Variants in GLIPR1L1 observed in about 807,000 individuals in gnomAD.
GLIPR1L1 encodes the protein GLIPR1-like protein 1.
GLIPR1L1 carries 26 observed loss-of-function variants against 29.9 expected under a neutral mutation model. That is an observed-to-expected ratio of 0.87 (90% confidence interval 0.64 to 1.21). GLIPR1L1 has a LOEUF of 1.21. Ranked by LOEUF, GLIPR1L1 falls within the 50% of genes most tolerant of loss-of-function variation. The pLI, the probability that GLIPR1L1 is intolerant of heterozygous loss-of-function variation, is 0.00. For missense variants in GLIPR1L1, 305 were observed against 290.3 expected, an observed-to-expected ratio of 1.05 and a Z score of -0.37; for synonymous variants, 77 against 97.5, an observed-to-expected ratio of 0.79 and a Z score of 1.24.
At chr12:75,354,120 A>G (rs1317551410) in intron 3 of GLIPR1L1, among the ~76,000 whole-genome samples, 1 of 140,510 alleles carries the variant, frequency 7.1e-6, no homozygotes, top group Admixed American at 7.1e-5. Flanking sequence ...TCTATTCAAC[A>G]TAGTATTGGA....
At chr12:75,338,082 A>C (rs548424742) in intron 1 of GLIPR1L1, among the ~76,000 whole-genome samples, 1 of 152,282 alleles carries the variant, frequency 6.6e-6, no homozygotes, top group African/African-American at 2.4e-5. Context: ...TCTTTGTGAA[A>C]CTGAAAGAGA....
intron 2 of GLIPR1L1, 71 bp from the exon 3 acceptor site, chr12:75,347,551 C>T: frequency 3.3e-6 from 3 of 911,752 alleles, no homozygotes; most frequent in East Asian, 2.6e-5. Context: ...AAGATTATAC[C>T]AATTCTCTAA....
At chr12:75,348,761 C>T (rs1428325865) in intron 3 of GLIPR1L1, among the ~76,000 whole-genome samples, 3 of 152,052 alleles carry the variant, frequency 2.0e-5, no homozygotes, top group Admixed American at 2.0e-4. Flanking sequence ...GTGGTAGGGA[C>T]CAATATACCC....
At chr12:75,346,190 G>C (rs1348929991) in intron 2 of GLIPR1L1, among the ~76,000 whole-genome samples, 3 of 152,102 alleles carry the variant, frequency 2.0e-5, no homozygotes, top group Admixed American at 1.3e-4. Flanking sequence ...GATGTAGTTA[G>C]TTATTCATAA....
rs150675525 is a variant in GLIPR1L1, at chr12:75,334,718, C to T, written c.-11C>T. 8.1e-6 allele frequency: 13 copies of T among 1,610,518 alleles called. No homozygotes were observed. In the African/African-American group the frequency reaches 1.7e-4, roughly 21 times the overall value. ...CAGTCAGGGCATCCTCCGCATCCTCCACATCCTTCCATGGCTCTGAAGAAT... is the reference window on the plus strand; with the variant it reads ...CAGTCAGGGCATCCTCCGCATCCTCTACATCCTTCCATGGCTCTGAAGAAT... On this transcript the variant is annotated 5_prime_UTR_variant, in exon 1 of 6. Coordinates refer to ENST00000378695, the MANE Select transcript of GLIPR1L1 (RefSeq NM_001304964.2).
intron 3 of GLIPR1L1, among the ~76,000 whole-genome samples, chr12:75,353,346 A>G (rs930127246): frequency 1.3e-5 from 2 of 152,218 alleles, no homozygotes; most frequent in African/African-American, 2.4e-5. Flanking sequence ...ACAAACAACC[A>G]TCAGAGAATA....
Position 75,344,837 on chromosome 12 carries a change from G to A in GLIPR1L1, c.420+899G>A, listed in dbSNP as rs191378444. 1.6e-3 allele frequency among the ~76,000 whole-genome samples: 245 copies of A among 152,114 alleles called. 1 individual carries two copies. The highest frequency in any genetic ancestry group is 5.7e-3 in the African/African-American group (236 of 41,524). Reference sequence around the variant, plus strand: ...ATATGTTAGGTAGAATAAAAGTAGCGTTTAGTCCAGAGCTGATAATGATCT... The same window carrying A: ...ATATGTTAGGTAGAATAAAAGTAGCATTTAGTCCAGAGCTGATAATGATCT... On this transcript the variant is annotated intron_variant, in intron 2 of 5. Transcript: ENST00000378695.
rs149372110 is a variant in GLIPR1L1 at position 75,355,952 on chromosome 12, G to C, written c.522-7150G>C. Among the ~76,000 whole-genome samples, 219 of 152,202 alleles carry C rather than the reference G, an allele frequency of 1.4e-3. 1 individual carries two copies. The highest frequency in any genetic ancestry group is 3.9e-3 in the South Asian group (19 of 4,822). On this transcript the variant is annotated intron_variant, in intron 3 of 5. Transcript: ENST00000378695. ...ATGGGAACGCTTGGCCACACAAAGG[G>C]TAACAACACACACTGGGGCCTGTTG...
At chr12:75,335,815 G>A (rs2041694814) in intron 1 of GLIPR1L1, among the ~76,000 whole-genome samples, 1 of 151,882 alleles carries the variant, frequency 6.6e-6, no homozygotes, top group South Asian at 2.1e-4. Context: ...ACCAGCTTGG[G>A]GTTGTCCAAG....
In GLIPR1L1 at chr12:75,334,713, T is replaced by A. The variant is rs2041594034; in HGVS notation, c.-16T>A. On this transcript the variant is annotated 5_prime_UTR_variant, in exon 1 of 6. Transcript: ENST00000378695. ...CCGCGCAGTCAGGGCATCCTCCGCATCCTCCACATCCTTCCATGGCTCTGA... is the reference window on the plus strand; with the variant it reads ...CCGCGCAGTCAGGGCATCCTCCGCAACCTCCACATCCTTCCATGGCTCTGA... The A allele has an allele frequency of 5.6e-6, 9 of 1,608,064 alleles. No homozygotes were observed. The Admixed American group carries it at 1.0e-4, about 18-fold the overall frequency.
intron 4 of GLIPR1L1, among the ~76,000 whole-genome samples, chr12:75,364,189 A>G (rs1305556005): frequency 6.6e-6 from 1 of 152,162 alleles, no homozygotes; most frequent in Non-Finnish European, 1.5e-5. Context: ...GCTTTTTCTG[A>G]ATTACAAAAG....
intron 4 of GLIPR1L1, chr12:75,369,594 T>C (rs1218330835): frequency 2.0e-6 from 2 of 984,622 alleles, no homozygotes; most frequent in South Asian, 4.7e-5. Flanking sequence ...ATGAATGAGA[T>C]TGTTAATGAG....
intron 3 of GLIPR1L1, among the ~76,000 whole-genome samples, chr12:75,349,780 C>A (rs1302674745): frequency 6.6e-6 from 1 of 151,802 alleles, no homozygotes; most frequent in African/African-American, 2.4e-5. Flanking sequence ...CTGCAGTGAG[C>A]CATGATTGCC....
chr12:75,352,510 T>G (rs2139456550), intron 3 of GLIPR1L1, among the ~76,000 whole-genome samples: 1 of 152,334 alleles, frequency 6.6e-6, no homozygotes, highest in South Asian at 2.1e-4. Flanking sequence ...AAACAAGTTC[T>G]TAGAGACCTA....
At chr12:75,360,264 A>C (rs2043480956) in intron 3 of GLIPR1L1, 1 of 152,176 alleles carries the variant, frequency 6.6e-6, no homozygotes, top group Admixed American at 6.6e-5. Context: ...TTTCCCAACC[A>C]ATCATGCCTA....
intron 1 of GLIPR1L1, among the ~76,000 whole-genome samples, chr12:75,338,453 C>G (rs2041880007): frequency 6.6e-6 from 1 of 152,076 alleles, no homozygotes; most frequent in East Asian, 1.9e-4. Flanking sequence ...ATATGATCAT[C>G]TCAATAGAGT....
intron 2 of GLIPR1L1, 28 bp downstream of exon 2, chr12:75,343,966 G>T: frequency 3.9e-6 from 6 of 1,538,250 alleles, no homozygotes; most frequent in Non-Finnish European, 5.3e-6. Flanking sequence ...TTATTGATTA[G>T]TTCTTATTTG....
chr12:75,355,800 A>G (rs1188636032), intron 3 of GLIPR1L1, among the ~76,000 whole-genome samples: 2 of 152,220 alleles, frequency 1.3e-5, no homozygotes, highest in Non-Finnish European at 2.9e-5. Flanking sequence ...TGCAGCCATA[A>G]AAAGGAATGA....
In GLIPR1L1 at chr12:75,340,617, A is replaced by G. The variant is rs191982023; in HGVS notation, c.175-3076A>G. Among the ~76,000 whole-genome samples the G allele has an allele frequency of 7.1e-4, 108 of 152,142 alleles. No individual in the cohort carries two copies. In the East Asian group the frequency reaches 0.018, roughly 25 times the overall value. On this transcript the variant is annotated intron_variant, in intron 1 of 5. Coordinates refer to ENST00000378695, the MANE Select transcript of GLIPR1L1 (RefSeq NM_001304964.2). Reference sequence around the variant, plus strand: ...TCAAAATAAGAAACTTCTACTTTCTAAAGTACCCTGTTAGGAAGATGAGAG... The same window carrying G: ...TCAAAATAAGAAACTTCTACTTTCTGAAGTACCCTGTTAGGAAGATGAGAG...
Sources: allele counts gnomAD v4.1 joint callset (sites outside exome capture counted in the v4.1 genomes callset), GRCh38; gene constraint gnomAD v4.1.1; transcripts MANE v1.5; gene names NCBI Gene and HGNC (gene_info 2026-07-23, HGNC 2026-07-21).